THOC7: variants seen among roughly 807,000 people sequenced by gnomAD.
The protein encoded by THOC7 is NIF3L1-binding protein 1.
In THOC7, 22 loss-of-function variants were observed where a neutral mutation model predicts 33.1. The ratio of observed to expected loss-of-function variants is 0.66; its 90% CI spans 0.47 to 0.95. The LOEUF is 0.95. Ranked by LOEUF, THOC7 falls within the 40% of genes least tolerant of loss-of-function variation. THOC7 has a pLI of 0.00. For synonymous variants in THOC7, 77 were observed against 76.8 expected, an observed-to-expected ratio of 1.00 and a Z score of -0.01; for missense variants, 184 against 245.3, an observed-to-expected ratio of 0.75 and a Z score of 1.67.
At chr3:63,843,986 C>T (rs1701830270) in intron 1 of THOC7, among the ~76,000 whole-genome samples, 1 of 151,976 alleles carries the variant, frequency 6.6e-6, no homozygotes, top group African/African-American at 2.4e-5. Flanking sequence ...TACACATACA[C>T]ATACATACAT....
chr3:63,856,349 T>C lies in THOC7; in HGVS notation c.19+7423A>G, dbSNP rs557017412. 5.3e-5 allele frequency among the ~76,000 whole-genome samples: 8 copies of C among 152,140 alleles called. No homozygotes were observed. In the East Asian group the frequency reaches 1.5e-3, roughly 29 times the overall value. ...AGTATTTGATAGCACAATAGGATGATTATAGTCAACAATAATTTATTGCAC... is the reference window on the plus strand; with the variant it reads ...AGTATTTGATAGCACAATAGGATGACTATAGTCAACAATAATTTATTGCAC... On this transcript the variant is annotated intron_variant, in intron 1 of 7. Coordinates refer to ENST00000295899, the MANE Select transcript of THOC7 (RefSeq NM_025075.4).
chr3:63,839,589 GACCTTAAT>G, intron 2 of THOC7, 59 bp downstream of exon 2: 2 of 1,319,244 alleles, frequency 1.5e-6, no homozygotes, highest in Non-Finnish European at 2.2e-6. Context: ...CTACTCACAG[GACCTTAAT>G]ATAGGGCCTA....
intron 1 of THOC7, chr3:63,845,010 T>C (rs200247148): frequency 1.4e-4 from 97 of 693,154 alleles, no homozygotes; most frequent in Non-Finnish European, 2.2e-4. Context: ...GTTGTAATTT[T>C]GTCTCTTGAC....
chr3:63,864,271 C>T (rs1366362862), upstream of THOC7, among the ~76,000 whole-genome samples: 1 of 151,356 alleles, frequency 6.6e-6, no homozygotes, highest in Non-Finnish European at 1.5e-5. Flanking sequence ...CCCGCCGCCC[C>T]ATCCAGGGTG....
intron 7 of THOC7, 137 bp downstream of exon 7, chr3:63,835,017 C>G (rs557595462): frequency 1.3e-6 from 1 of 763,692 alleles, no homozygotes; most frequent in South Asian, 2.3e-5. Context: ...AACATGAGTA[C>G]CTTCTAACGT....
chr3:63,853,278 GCAC>G lies in THOC7; in HGVS notation c.19+10491_19+10493del, dbSNP rs554665581. ...TTGGGGTGGCACAAGTAGGAGTGTGGCACCACTAGTTCTGGCAGCACAGGGAAT... is the reference window on the plus strand; with the variant it reads ...TTGGGGTGGCACAAGTAGGAGTGTGGCACTAGTTCTGGCAGCACAGGGAAT... On this transcript the variant is annotated intron_variant, in intron 1 of 7. Transcript: ENST00000295899. Among the ~76,000 whole-genome samples, 49 of 152,234 alleles carry G rather than the reference GCAC, an allele frequency of 3.2e-4. No homozygotes were observed. In the South Asian group the frequency reaches 1.0e-2, roughly 31 times the overall value.
intron 4 of THOC7, among the ~76,000 whole-genome samples, chr3:63,837,658 T>C (rs930174214): frequency 2.6e-5 from 4 of 151,962 alleles, no homozygotes; most frequent in African/African-American, 9.7e-5. Flanking sequence ...CCTCTGCTGA[T>C]TAACCATAAC....
At chr3:63,851,704 T>TA (rs1280747242) in intron 1 of THOC7, among the ~76,000 whole-genome samples, 1 of 152,210 alleles carries the variant, frequency 6.6e-6, no homozygotes, top group African/African-American at 2.4e-5. Context: ...GTCCCCAACT[T>TA]ACAAGAAGAG....
chr3:63,842,969 A>T (rs1170876847), intron 1 of THOC7, among the ~76,000 whole-genome samples: 11 of 149,718 alleles, frequency 7.3e-5, no homozygotes, highest in African/African-American at 2.5e-4. Flanking sequence ...TTTTTTTTTT[A>T]TAGAGACAGA....
intron 1 of THOC7, chr3:63,854,636 G>A (rs551427144): frequency 6.6e-6 from 1 of 152,278 alleles, no homozygotes; most frequent in South Asian, 2.1e-4. Flanking sequence ...TTTTCCACCT[G>A]GCTTTAGGCT....
At chr3:63,852,901 A>C (rs1322132215) in intron 1 of THOC7, among the ~76,000 whole-genome samples, 1 of 152,186 alleles carries the variant, frequency 6.6e-6, no homozygotes, top group Non-Finnish European at 1.5e-5. Flanking sequence ...CTATAATCCC[A>C]GCATTTTGAG....
At chr3:63,834,452 G>A (rs1443746717) in intron 7 of THOC7, among the ~76,000 whole-genome samples, 1 of 151,800 alleles carries the variant, frequency 6.6e-6, no homozygotes, top group African/African-American at 2.4e-5. Flanking sequence ...CTGAGGTCAG[G>A]AATTCAAGAC....
chr3:63,839,714 T>A lies in THOC7; in HGVS notation c.79A>T (p.Ile27Phe), dbSNP rs757561494. Residue 27 changes from isoleucine (I) to phenylalanine (F), a missense_variant, in exon 2 of 8, where the codon ATT becomes TTT. This residue lies in a region of THOC7 where 157 missense variants were observed against 201.3 expected (regional missense o/e 0.78). Transcript: ENST00000295899. ...DGDGAGDDRR[I>F]NLLVKSFIKW... is the part of the protein sequence containing the mutation. Reference sequence around the variant, plus strand: ...ATGAAACTCTTCACTAGCAGATTAATTCTCCGATCATCTCCAGCACCATCT... The same window carrying A: ...ATGAAACTCTTCACTAGCAGATTAAATCTCCGATCATCTCCAGCACCATCT... 5 of 1,613,010 alleles carry A rather than the reference T, an allele frequency of 3.1e-6. No homozygotes were observed. The South Asian group carries it at 5.5e-5, about 18-fold the overall frequency.
At chr3:63,856,187 A>G (rs993859889) in intron 1 of THOC7, among the ~76,000 whole-genome samples, 1 of 152,300 alleles carries the variant, frequency 6.6e-6, no homozygotes. Flanking sequence ...TGATAAGCTA[A>G]AAATTGAAAC....
Position 63,839,859 on chromosome 3 carries a change from C to T in THOC7, c.20-86G>A, listed in dbSNP as rs1276574872. The T allele has an allele frequency of 1.2e-5, 13 of 1,103,684 alleles. No homozygotes were observed. In the East Asian group the frequency reaches 2.7e-4, roughly 23 times the overall value. 68.4% of individuals were successfully genotyped at this position (1,103,684 alleles called of 1,614,324 possible). A position where few individuals can be genotyped will look rare whatever the true frequency, so the allele number is the denominator to read the frequency against. On this transcript the variant is annotated intron_variant, in intron 1 of 7. Coordinates refer to ENST00000295899, the MANE Select transcript of THOC7 (RefSeq NM_025075.4). ...CAGTATCACTGTTCATTTGTTTATT[C>T]AAAAGAAAATTATTGAAATGTAAAT...
At chr3:63,856,911 G>GGTTTCAC (rs1702126220) in intron 1 of THOC7, among the ~76,000 whole-genome samples, 1 of 152,080 alleles carries the variant, frequency 6.6e-6, no homozygotes, top group South Asian at 2.1e-4. Context: ...GTAGAGACGG[G>GGTTTCAC]GTTTCACCGT....
chr3:63,860,464 A>T (rs1200887957), intron 1 of THOC7, among the ~76,000 whole-genome samples: 2 of 152,184 alleles, frequency 1.3e-5, no homozygotes, highest in Non-Finnish European at 2.9e-5. Flanking sequence ...TAAGGATATG[A>T]CACTGGCTTT....
chr3:63,852,651 G>A (rs905925882), intron 1 of THOC7, among the ~76,000 whole-genome samples: 1 of 152,154 alleles, frequency 6.6e-6, no homozygotes, highest in Admixed American at 6.5e-5. Flanking sequence ...CAGATTTTGG[G>A]AGTCACACCA....
Position 63,835,314 on chromosome 3 carries a change from A to G in THOC7, c.477+10T>C, listed in dbSNP as rs1158108116. ...GACAGATCATGAAGGCTAAATATATATGCGAATACCTTATCTTCAACACTT... is the reference window on the plus strand; with the variant it reads ...GACAGATCATGAAGGCTAAATATATGTGCGAATACCTTATCTTCAACACTT... On this transcript the variant is annotated intron_variant, in intron 6 of 7. Transcript: ENST00000295899. 1 of 1,613,534 alleles carries G rather than the reference A, an allele frequency of 6.2e-7. No homozygotes were observed. The highest frequency in any genetic ancestry group is 1.1e-5 in the South Asian group (1 of 91,046).
Sources: gnomAD v4.1 joint callset for allele counts (sites outside exome capture counted in the v4.1 genomes callset) on GRCh38, gnomAD v4.1.1 for gene constraint, gnomAD v4.1.1 regional missense constraint, MANE v1.5 for transcripts, NCBI Gene and HGNC (gene_info 2026-07-23, HGNC 2026-07-21) for gene names.